Variants in CCDC6 observed in about 807,000 individuals in gnomAD.
CCDC6 encodes coiled-coil domain containing 6, also known as coiled-coil domain-containing protein 6.
Under a neutral mutation model 56.6 loss-of-function variants are expected in CCDC6, and 20 were observed. That is an observed-to-expected ratio of 0.35 (90% confidence interval 0.25 to 0.51). CCDC6 has a LOEUF of 0.51. Ranked by LOEUF, CCDC6 falls within the 20% of genes least tolerant of loss-of-function variation. The pLI, the probability that CCDC6 is intolerant of heterozygous loss-of-function variation, is 0.95. For synonymous variants in CCDC6, 241 were observed against 234.4 expected (o/e 1.03, Z -0.26); for missense variants, 367 against 601.1 (o/e 0.61, Z 4.07).
At chr10:59,893,932 G>T (rs2071443058) in intron 1 of CCDC6, among the ~76,000 whole-genome samples, 1 of 152,134 alleles carries the variant, frequency 6.6e-6, no homozygotes. Flanking sequence ...TCTTCAAGGG[G>T]TTGCTGGGAC....
chr10:59,844,048 C>T (rs1427159906), intron 2 of CCDC6, among the ~76,000 whole-genome samples: 1 of 152,122 alleles, frequency 6.6e-6, no homozygotes, highest in African/African-American at 2.4e-5. Context: ...AGATCTCTGC[C>T]CAACAGTTCT....
In CCDC6 at chr10:59,847,818, T is replaced by TA. The variant is rs1491446829; in HGVS notation, c.453+4734_453+4735insT. 1.0e-3 allele frequency among the ~76,000 whole-genome samples: 70 copies of TA among 68,512 alleles called. 3 individuals carry two copies. The South Asian group carries it at 0.03, about 30-fold the overall frequency. 44.9% of individuals were successfully genotyped at this position (68,512 alleles called of 152,430 possible). A position where few individuals can be genotyped will look rare whatever the true frequency, so the allele number is the denominator to read the frequency against. ...CATTCTGGAGAATAGCCTTTTAGAC[T>TA]TTTTTTTTTTTTTTTTTTTTTTTAC... On this transcript the variant is annotated intron_variant, in intron 2 of 8. Transcript: ENST00000263102.
chr10:59,817,783 C>T (rs1160694452), intron 3 of CCDC6, among the ~76,000 whole-genome samples: 1 of 152,182 alleles, frequency 6.6e-6, no homozygotes, highest in Admixed American at 6.5e-5. Flanking sequence ...AGCTCCGATG[C>T]CCTCATCTAT....
chr10:59,851,106 A>T (rs1589049860), intron 2 of CCDC6, among the ~76,000 whole-genome samples: 1 of 145,272 alleles, frequency 6.9e-6, no homozygotes, highest in East Asian at 2.0e-4. Context: ...TTGGTTAAAG[A>T]CTCCAAAAAA....
chr10:59,882,427 CAG>C (rs140513086), intron 1 of CCDC6, among the ~76,000 whole-genome samples: 20 of 28,092 alleles, frequency 7.1e-4, no homozygotes, highest in Non-Finnish European at 9.7e-4. Flanking sequence ...AAAGGAAAGC[CAG>C]GGGGAGAAGG....
chr10:59,843,879 C>T (rs1428157994), intron 2 of CCDC6, among the ~76,000 whole-genome samples: 1 of 152,190 alleles, frequency 6.6e-6, no homozygotes, highest in African/African-American at 2.4e-5. Flanking sequence ...ACTGATCACT[C>T]TCTCTAAACT....
At position 59,790,190 on chromosome 10, in the gene CCDC6, CA is replaced by C. The variant is rs2070455523; in HGVS notation, c.*2726del. The C allele has an allele frequency of 4.6e-6, 1 of 216,292 alleles. No homozygotes were observed. The highest frequency in any genetic ancestry group is 9.3e-6 in the Non-Finnish European group (1 of 107,172). 13.4% of individuals were successfully genotyped at this position (216,292 alleles called of 1,614,324 possible). On this transcript the variant is annotated 3_prime_UTR_variant, in exon 9 of 9. Transcript: ENST00000263102. ...TTGTATAAAAGGCATGGTAATCTGG[CA>C]ACAGAGTACTTATCCTATTAGCAGC...
At chr10:59,820,640 C>G (rs61848693) in intron 3 of CCDC6, among the ~76,000 whole-genome samples, 51,898 of 151,804 alleles carry the variant, frequency 0.34, 9,333 homozygotes, top group African/African-American at 0.39. Flanking sequence ...CCCAGCTACT[C>G]AAGAGGCTAA....
At chr10:59,887,935 T>C (rs1164758394) in intron 1 of CCDC6, among the ~76,000 whole-genome samples, 1 of 152,124 alleles carries the variant, frequency 6.6e-6, no homozygotes, top group Non-Finnish European at 1.5e-5. Flanking sequence ...TGGCCAATAA[T>C]TTAACAGCAT....
chr10:59,891,149 T>C (rs1469765691), intron 1 of CCDC6, among the ~76,000 whole-genome samples: 3 of 152,330 alleles, frequency 2.0e-5, no homozygotes, highest in East Asian at 1.9e-4. Context: ...GTGGGACATA[T>C]GTATACTAAA....
At chr10:59,838,097 T>C (rs867566652) in intron 2 of CCDC6, among the ~76,000 whole-genome samples, 8 of 152,262 alleles carry the variant, frequency 5.3e-5, no homozygotes, top group African/African-American at 1.7e-4. Context: ...CAGTACTTCA[T>C]CACTAAGGGC....
chr10:59,839,906 A>G (rs958161828), intron 2 of CCDC6, among the ~76,000 whole-genome samples: 3 of 151,938 alleles, frequency 2.0e-5, no homozygotes, highest in African/African-American at 7.3e-5. Context: ...GCTCACTACA[A>G]CCTCCGACTC....
chr10:59,884,756 C>T (rs1469528919), intron 1 of CCDC6, among the ~76,000 whole-genome samples: 1 of 152,124 alleles, frequency 6.6e-6, no homozygotes, highest in African/African-American at 2.4e-5. Flanking sequence ...TAATATGTAT[C>T]CAGAAAAACA....
chr10:59,820,063 T>TA (rs1350234367), intron 3 of CCDC6, among the ~76,000 whole-genome samples: 1 of 152,182 alleles, frequency 6.6e-6, no homozygotes, highest in Non-Finnish European at 1.5e-5. Flanking sequence ...ACTTAATATA[T>TA]AAAAATGCAT....
chr10:59,808,315 CAA>C (rs2070644028), intron 5 of CCDC6, among the ~76,000 whole-genome samples: 1 of 152,154 alleles, frequency 6.6e-6, no homozygotes, highest in Non-Finnish European at 1.5e-5. Flanking sequence ...CCGGAGCCAT[CAA>C]AACTCTTGTC....
At position 59,873,503 on chromosome 10, in the gene CCDC6, C is replaced by T. The variant is rs1016394886; in HGVS notation, c.304-20801G>A. 2.0e-5 allele frequency among the ~76,000 whole-genome samples: 3 copies of T among 152,184 alleles called. No individual in the cohort carries two copies. In the South Asian group the frequency reaches 6.2e-4, roughly 32 times the overall value. On this transcript the variant is annotated intron_variant, in intron 1 of 8. Transcript: ENST00000263102. The stretch of plus-strand genomic sequence containing the variant: ...AAGGGAGAACAACCCTTACCAACAC[C>T]TTGATTTTGGACTTCTGGCCCCTCC...
intron 1 of CCDC6, among the ~76,000 whole-genome samples, chr10:59,902,854 T>C (rs2071514681): frequency 6.6e-6 from 1 of 152,250 alleles, no homozygotes; most frequent in Admixed American, 6.5e-5. Flanking sequence ...AACTGATATC[T>C]TTCCAGACAA....
At chr10:59,875,756 A>G (rs930377336) in intron 1 of CCDC6, among the ~76,000 whole-genome samples, 1 of 152,234 alleles carries the variant, frequency 6.6e-6, no homozygotes, top group African/African-American at 2.4e-5. Flanking sequence ...TCAGGAACAC[A>G]TGCATCACAT....
At chr10:59,867,590 G>T (rs1029729950) in intron 1 of CCDC6, among the ~76,000 whole-genome samples, 2 of 152,242 alleles carry the variant, frequency 1.3e-5, no homozygotes, top group Admixed American at 6.5e-5. Flanking sequence ...GTCTCACTCT[G>T]TCACCCAGGC....
Sources: allele counts gnomAD v4.1 joint callset (sites outside exome capture counted in the v4.1 genomes callset), GRCh38; gene constraint gnomAD v4.1.1; transcripts MANE v1.5; gene names NCBI Gene and HGNC (gene_info 2026-07-23, HGNC 2026-07-21).